MOB1B: variants seen among roughly 807,000 people sequenced by gnomAD.
MOB1B encodes MOB1 Mps One Binder homolog B.
In MOB1B, 19 loss-of-function variants were observed where a neutral mutation model predicts 24.4. That is an observed-to-expected ratio of 0.78 (90% CI 0.54 to 1.14). MOB1B has a LOEUF of 1.14. MOB1B is among the 50% of genes most tolerant of loss of function. The pLI, the probability that MOB1B is intolerant of heterozygous loss-of-function variation, is 0.00. For synonymous variants in MOB1B, 76 were observed against 82.1 expected, an observed-to-expected ratio of 0.93 and a Z score of 0.40; for missense variants, 243 against 259.6, an observed-to-expected ratio of 0.94 and a Z score of 0.44.
At chr4:70,908,803 G>A (rs758301975) in intron 1 of MOB1B, among the ~76,000 whole-genome samples, 4 of 149,864 alleles carry the variant, frequency 2.7e-5, no homozygotes, top group African/African-American at 9.8e-5. Context: ...CAATTTAGCA[G>A]CACTTTGGGA....
chr4:70,930,968 T>G (rs1307621875), intron 1 of MOB1B, among the ~76,000 whole-genome samples: 1 of 139,988 alleles, frequency 7.1e-6, no homozygotes, highest in African/African-American at 2.6e-5. Flanking sequence ...ACCTTTCCTT[T>G]TTTTTTTTTT....
chr4:70,926,197 G>A (rs879583353), intron 1 of MOB1B, among the ~76,000 whole-genome samples: 1 of 151,792 alleles, frequency 6.6e-6, no homozygotes, highest in Non-Finnish European at 1.5e-5. Context: ...TGTTGTCCAG[G>A]TGGTCTTGAA....
chr4:70,943,223 G>C (rs1737420841), intron 1 of MOB1B, among the ~76,000 whole-genome samples: 1 of 152,144 alleles, frequency 6.6e-6, no homozygotes, highest in Non-Finnish European at 1.5e-5. Flanking sequence ...CATAGTTCTA[G>C]AGATTCCATT....
chr4:70,935,002 G>A (rs1737025803), intron 1 of MOB1B, among the ~76,000 whole-genome samples: 1 of 152,064 alleles, frequency 6.6e-6, no homozygotes, highest in Non-Finnish European at 1.5e-5. Context: ...GAATATGGCA[G>A]ATCATAGCTG....
At chr4:70,938,814 G>A (rs1189748426) in intron 1 of MOB1B, among the ~76,000 whole-genome samples, 2 of 128,078 alleles carry the variant, frequency 1.6e-5, no homozygotes, top group Non-Finnish European at 3.2e-5. Flanking sequence ...TTTTGCTCTT[G>A]TTGCCCAGGC....
In MOB1B at chr4:70,959,007, G is replaced by A. The variant is rs762212825; in HGVS notation, c.148G>A (p.Gly50Arg). 3 of 1,614,002 alleles carry A rather than the reference G, an allele frequency of 1.9e-6. No individual in the cohort carries two copies. In the South Asian group the frequency reaches 3.3e-5, roughly 18 times the overall value. Residue 50 changes from glycine (G) to arginine (R), a missense_variant, in exon 2 of 6, where the codon GGG becomes AGG. Transcript: ENST00000309395. ...TCGGATGGCTGTCATGCTTCCTGAA[G>A]GGGAAGATCTCAATGAATGGGTTGC... ...NLRMAVMLPEGEDLNEWVAVN... is the reference protein window; with the variant it reads ...NLRMAVMLPEREDLNEWVAVN...
chr4:70,915,414 C>T (rs780019036), intron 1 of MOB1B, among the ~76,000 whole-genome samples: 3 of 152,128 alleles, frequency 2.0e-5, no homozygotes, highest in South Asian at 2.1e-4. Context: ...TCAAGAGCCC[C>T]GTTACAGAAT....
At chr4:70,921,048 T>A (rs1292830002) in intron 1 of MOB1B, among the ~76,000 whole-genome samples, 4 of 152,128 alleles carry the variant, frequency 2.6e-5, no homozygotes, top group Admixed American at 6.6e-5. Context: ...TCATGGTTTT[T>A]TATATATATG....
At chr4:70,974,992 G>T (rs751013444) in intron 3 of MOB1B, among the ~76,000 whole-genome samples, 161 bp from the exon 4 acceptor site, 11 of 152,156 alleles carry the variant, frequency 7.2e-5, no homozygotes, top group African/African-American at 1.9e-4. Context: ...TGTGATAAAC[G>T]CAAAGTAGTC....
intron 1 of MOB1B, among the ~76,000 whole-genome samples, chr4:70,913,707 GGTT>G (rs770740269): frequency 9.9e-5 from 15 of 152,056 alleles, no homozygotes; most frequent in Non-Finnish European, 1.5e-4. Context: ...TCCACTGTAA[GGTT>G]ATTATTATTT....
At chr4:70,902,334 A>G (rs1450090751), upstream of MOB1B, 3 of 656,454 alleles carry the variant, frequency 4.6e-6, no homozygotes, top group Non-Finnish European at 8.3e-6. Flanking sequence ...GTGATTCAAG[A>G]CGAGCGCTAC....
intron 1 of MOB1B, among the ~76,000 whole-genome samples, chr4:70,950,072 GA>G (rs1238474754): frequency 6.6e-6 from 1 of 152,134 alleles, no homozygotes; most frequent in Non-Finnish European, 1.5e-5. Context: ...GAAAAAGGGA[GA>G]AAATTATTAG....
chr4:70,902,435 G>A lies in MOB1B; in HGVS notation c.-102G>A. ...GCCGGCTCTCGGCACCTCCTCCTCCGCCTCCCTGTCTCCTGTTCCATTCGC... is the reference window on the plus strand; with the variant it reads ...GCCGGCTCTCGGCACCTCCTCCTCCACCTCCCTGTCTCCTGTTCCATTCGC... On this transcript the variant is annotated 5_prime_UTR_variant, in exon 1 of 6. Coordinates refer to ENST00000309395, the MANE Select transcript of MOB1B (RefSeq NM_173468.4). The A allele has an allele frequency of 1.5e-6, 2 of 1,308,678 alleles. No individual in the cohort carries two copies. Among genetic ancestry groups the A allele is most frequent in the Non-Finnish European group, 2.2e-6 (2 of 927,504 alleles). The allele number at this position is 1,308,678 out of a possible 1,614,324, so 81.1% of individuals were successfully genotyped here. A position where few individuals can be genotyped will look rare whatever the true frequency, so the allele number is the denominator to read the frequency against.
chr4:70,972,615 T>C (rs1253699538), intron 3 of MOB1B, among the ~76,000 whole-genome samples: 1 of 152,060 alleles, frequency 6.6e-6, no homozygotes, highest in Non-Finnish European at 1.5e-5. Flanking sequence ...TCAAAGAGAA[T>C]AGTCTGTCAA....
intron 1 of MOB1B, among the ~76,000 whole-genome samples, chr4:70,929,370 G>A (rs1204613551): frequency 6.6e-6 from 1 of 151,802 alleles, no homozygotes; most frequent in African/African-American, 2.4e-5. Flanking sequence ...GTAGACAAGG[G>A]ATTTTCCCAT....
intron 1 of MOB1B, among the ~76,000 whole-genome samples, chr4:70,949,039 A>G (rs1007720409): frequency 6.6e-6 from 1 of 152,186 alleles, no homozygotes; most frequent in Non-Finnish European, 1.5e-5. Context: ...CCCGTAGTCT[A>G]GATTCTGAGT....
intron 1 of MOB1B, among the ~76,000 whole-genome samples, chr4:70,904,758 CAA>C (rs376732470): frequency 7.3e-4 from 46 of 62,600 alleles, no homozygotes; most frequent in African/African-American, 7.7e-4. Flanking sequence ...GACTCTGTCT[CAA>C]AAAAAAAAAA....
At chr4:70,921,365 G>A (rs1378035697) in intron 1 of MOB1B, among the ~76,000 whole-genome samples, 1 of 152,032 alleles carries the variant, frequency 6.6e-6, no homozygotes, top group African/African-American at 2.4e-5. Flanking sequence ...AGCAATGCAG[G>A]CATGTGTGTG....
chr4:70,958,885 C>A lies in MOB1B; in HGVS notation c.26C>A (p.Ser9Tyr). 6.2e-7 allele frequency: 1 copy of A among 1,609,466 alleles called. No homozygotes were observed. MSFLFGSR[S>Y]SKTFKPKKNI... ...TTTTCTATTCATAGTGGTAGTCGCT[C>A]TTCTAAAACTTTTAAACCAAAGAAG... The change falls in exon 2 of 6, where the codon TCT (serine) becomes TAT (tyrosine). Residue 9 changes from serine to tyrosine, a missense_variant. Ser to Tyr is a moderately radical substitution (Grantham distance 144). Coordinates refer to ENST00000309395, the MANE Select transcript of MOB1B (RefSeq NM_173468.4).
Sources: allele counts gnomAD v4.1 joint callset (sites outside exome capture counted in the v4.1 genomes callset), GRCh38; gene constraint gnomAD v4.1.1; transcripts MANE v1.5; gene names NCBI Gene and HGNC (gene_info 2026-07-23, HGNC 2026-07-21).